The following CDH4 variants were observed in gnomAD, a reference collection of about 807,000 sequenced individuals.
CDH4 encodes the protein cadherin 4, also known as cadherin-4.
Under a neutral mutation model 86.0 loss-of-function variants are expected in CDH4, and 33 were observed. That is an observed-to-expected ratio of 0.38 (90% CI 0.29 to 0.51). The LOEUF (loss-of-function observed/expected upper bound fraction) is 0.51, where lower values mean the gene tolerates loss of function less well. CDH4 is among the 20% of genes least tolerant of loss of function. CDH4 has a pLI of 0.86. For synonymous variants in CDH4, 555 were observed against 549.4 expected (o/e 1.01, Z -0.14); for missense variants, 1,114 against 1,307.4 (o/e 0.85, Z 2.28).
intron 2 of CDH4, among the ~76,000 whole-genome samples, chr20:61,496,498 G>A (rs943912168): frequency 2.0e-5 from 3 of 152,008 alleles, no homozygotes; most frequent in Non-Finnish European, 2.9e-5. Context: ...TTTTCAATGC[G>A]TTTCAAGATA....
chr20:61,470,406 GAATT>G (rs1218067829), intron 2 of CDH4, among the ~76,000 whole-genome samples: 1 of 126,812 alleles, frequency 7.9e-6, no homozygotes, highest in Admixed American at 9.1e-5. Flanking sequence ...CAACTTCACT[GAATT>G]TATTTATCTG....
Position 61,512,846 on chromosome 20 carries a change from G to A in CDH4, c.170-230717G>A, listed in dbSNP as rs566590570. 3.3e-5 allele frequency among the ~76,000 whole-genome samples: 5 copies of A among 152,328 alleles called. No individual in the cohort carries two copies. In the South Asian group the frequency reaches 6.2e-4, roughly 19 times the overall value. ...AAGTGAAAATTCCTGAAAGAGGACC[G>A]ACCTCTCAGTCTTCACAGGGACATG... is the stretch of plus-strand genomic sequence containing the variant. On this transcript the variant is annotated intron_variant, in intron 2 of 15. Transcript: ENST00000614565.
chr20:61,424,350 A>G (rs1483536648), intron 2 of CDH4, among the ~76,000 whole-genome samples: 1 of 148,986 alleles, frequency 6.7e-6, no homozygotes, highest in Admixed American at 6.7e-5. Context: ...AAACACACTC[A>G]TATCCACACA....
At chr20:61,415,135 TCC>T in intron 2 of CDH4, among the ~76,000 whole-genome samples, 1 of 152,122 alleles carries the variant, frequency 6.6e-6, no homozygotes, top group Non-Finnish European at 1.5e-5. Context: ...CCAAGTGGGG[TCC>T]CCACACTAGT....
chr20:61,665,771 G>A (rs1016179521), intron 2 of CDH4, among the ~76,000 whole-genome samples: 3 of 152,190 alleles, frequency 2.0e-5, no homozygotes, highest in Non-Finnish European at 1.5e-5. Context: ...CGACCTTTGA[G>A]TGTCTACAGG....
chr20:61,605,994 C>A (rs895170053), intron 2 of CDH4, among the ~76,000 whole-genome samples: 2 of 151,984 alleles, frequency 1.3e-5, no homozygotes, highest in African/African-American at 2.4e-5. Flanking sequence ...GGTGGATGGA[C>A]TCTGGAGCCA....
chr20:61,893,644 T>C (rs1418857652), intron 7 of CDH4, among the ~76,000 whole-genome samples: 1 of 147,988 alleles, frequency 6.8e-6, no homozygotes, highest in Non-Finnish European at 1.5e-5. Flanking sequence ...AGTGGTTGGA[T>C]AGATGGATGG....
At chr20:61,924,500 G>A (rs1272807774) in intron 11 of CDH4, 24 bp downstream of exon 11, 2 of 1,604,650 alleles carry the variant, frequency 1.2e-6, no homozygotes, top group Non-Finnish European at 1.7e-6. Context: ...CAGGGAGGCA[G>A]CCGTCTCGGT....
intron 9 of CDH4, among the ~76,000 whole-genome samples, chr20:61,915,174 G>A (rs540417569): frequency 6.6e-6 from 1 of 152,222 alleles, no homozygotes; most frequent in South Asian, 2.1e-4. Context: ...GCTGGGGCTG[G>A]AACCTGCTAC....
At chr20:61,750,469 C>T (rs1018540693) in intron 3 of CDH4, among the ~76,000 whole-genome samples, 1 of 152,110 alleles carries the variant, frequency 6.6e-6, no homozygotes, top group African/African-American at 2.4e-5. Flanking sequence ...AAACTAAAAT[C>T]CTTATCACAA....
chr20:61,614,163 G>C (rs1266078043), intron 2 of CDH4, among the ~76,000 whole-genome samples: 1 of 152,128 alleles, frequency 6.6e-6, no homozygotes, highest in Non-Finnish European at 1.5e-5. Context: ...TGCTAATGAA[G>C]TGACTTAGGG....
intron 4 of CDH4, among the ~76,000 whole-genome samples, chr20:61,842,713 C>T (rs1049880242): frequency 3.3e-5 from 5 of 149,794 alleles, no homozygotes; most frequent in African/African-American, 1.2e-4. Flanking sequence ...AATCTGTTAC[C>T]CCTATTTTTC....
chr20:61,797,870 C>T (rs1979618620), intron 4 of CDH4, among the ~76,000 whole-genome samples: 1 of 152,228 alleles, frequency 6.6e-6, no homozygotes, highest in Non-Finnish European at 1.5e-5. Context: ...AGATCGGCAT[C>T]TTTTCCAGCT....
intron 2 of CDH4, among the ~76,000 whole-genome samples, chr20:61,295,359 A>C (rs1169079441): frequency 1.3e-5 from 2 of 152,160 alleles, no homozygotes; most frequent in Non-Finnish European, 2.9e-5. Flanking sequence ...CCGAAAGCAC[A>C]CTGGCGAAGG....
intron 2 of CDH4, among the ~76,000 whole-genome samples, chr20:61,444,813 TTGTG>T (rs1437418724): frequency 2.1e-5 from 3 of 143,518 alleles, no homozygotes; most frequent in African/African-American, 7.8e-5. Context: ...ATGTGTATCT[TTGTG>T]TGTCTTTGTG....
At chr20:61,773,670 A>G (rs1332352106) in intron 4 of CDH4, among the ~76,000 whole-genome samples, 1 of 152,216 alleles carries the variant, frequency 6.6e-6, no homozygotes, top group Non-Finnish European at 1.5e-5. Context: ...AATTTATTTT[A>G]CAAATTTGTG....
In CDH4 at chr20:61,681,185, C is replaced by CT. The variant is rs1025739842; in HGVS notation, c.170-62371dup. 2.0e-5 allele frequency among the ~76,000 whole-genome samples: 3 copies of CT among 152,174 alleles called. No individual in the cohort carries two copies. The highest frequency in any genetic ancestry group is 2.1e-4 in the South Asian group (1 of 4,828). ...AACACCCGCCCTCACGTCCTAATGG[C>CT]TTTTTTTCTCTTTCAGCCACACACA... On this transcript the variant is annotated intron_variant, in intron 2 of 15. Transcript: ENST00000614565. The surrounding 1 kb of genome is among the most constrained non-coding windows in gnomAD (Gnocchi z 4.5).
chr20:61,830,823 G>A (rs879459800), intron 4 of CDH4, among the ~76,000 whole-genome samples: 4 of 152,212 alleles, frequency 2.6e-5, no homozygotes, highest in Admixed American at 6.5e-5. Flanking sequence ...GCTCTTGGTC[G>A]CACGTGCTGA....
At chr20:61,343,696 T>C (rs927014126) in intron 2 of CDH4, among the ~76,000 whole-genome samples, 5 of 152,194 alleles carry the variant, frequency 3.3e-5, no homozygotes, top group African/African-American at 1.2e-4. Flanking sequence ...TCCAGTAGTC[T>C]GCAGTCCTGG....
Sources: gnomAD v4.1 joint callset for allele counts (sites outside exome capture counted in the v4.1 genomes callset) on GRCh38, gnomAD v4.1.1 for gene constraint, Gnocchi (gnomAD v3.1) non-coding constraint, MANE v1.5 for transcripts, NCBI Gene and HGNC (gene_info 2026-07-23, HGNC 2026-07-21) for gene names.